Variants in RAB27B observed in about 807,000 individuals in gnomAD.
RAB27B encodes the protein RAB27B, member RAS oncogene family.
A neutral mutation model predicts 24.6 loss-of-function variants in RAB27B; 15 were observed. That is an observed-to-expected ratio of 0.61 (90% confidence interval 0.41 to 0.94). RAB27B has a LOEUF of 0.94. RAB27B is among the 40% of genes least tolerant of loss of function. The pLI is 0.00. For synonymous variants in RAB27B, 105 were observed against 92.5 expected, an observed-to-expected ratio of 1.14 and a Z score of -0.78; for missense variants, 261 against 266.8, an observed-to-expected ratio of 0.98 and a Z score of 0.15.
Position 54,884,314 on chromosome 18 carries a change from C to G in RAB27B, c.240-19C>G. The G allele has an allele frequency of 6.8e-7, 1 of 1,481,076 alleles. No homozygotes were observed. The highest frequency in any genetic ancestry group is 9.4e-7 in the Non-Finnish European group (1 of 1,060,274). The allele number at this position is 1,481,076 out of a possible 1,614,324, so 91.7% of individuals were successfully genotyped here. ...ATGTGGACTAACTTTCAGAACTACC[C>G]ACTGTGTTTCCTTGGCAGGTTCCGG... On this transcript the variant is annotated intron_variant, in intron 3 of 5. Coordinates refer to ENST00000262094, the MANE Select transcript of RAB27B (RefSeq NM_004163.4).
At chr18:54,863,016 C>T (rs563047528) in intron 1 of RAB27B, among the ~76,000 whole-genome samples, 1 of 152,054 alleles carries the variant, frequency 6.6e-6, no homozygotes, top group Non-Finnish European at 1.5e-5. Context: ...GTGATTTTTG[C>T]AAAAAGGCAA....
chr18:54,780,129 C>A (rs573273526), intron 2 of RAB27B, among the ~76,000 whole-genome samples: 1 of 140,216 alleles, frequency 7.1e-6, no homozygotes, highest in Non-Finnish European at 1.5e-5. Context: ...CCTCTCCTGA[C>A]GGCTTCCCCC....
intron 2 of RAB27B, among the ~76,000 whole-genome samples, chr18:54,727,746 A>G (rs1380681711): frequency 6.6e-6 from 1 of 152,194 alleles, no homozygotes; most frequent in African/African-American, 2.4e-5. Flanking sequence ...AATCCACAGC[A>G]TTTAGCAACA....
chr18:54,867,411 G>A (rs1027307001), intron 1 of RAB27B, among the ~76,000 whole-genome samples: 1 of 145,596 alleles, frequency 6.9e-6, no homozygotes, highest in Non-Finnish European at 1.5e-5. Flanking sequence ...GCATATCTTT[G>A]TAAGCCTGAT....
At chr18:54,718,046 A>G (rs920400270) in intron 1 of RAB27B, 2 of 152,112 alleles carry the variant, frequency 1.3e-5, no homozygotes, top group Non-Finnish European at 2.9e-5. Context: ...TTACTATATT[A>G]TTTTATGTTA....
At position 54,828,694 on chromosome 18, in the gene RAB27B, C is replaced by A. The variant is rs116680877; in HGVS notation, c.-26C>A. The A allele has an allele frequency of 0.037, 5,610 of 152,408 alleles. 118 individuals are homozygous for A. The highest frequency in any genetic ancestry group is 0.13 in the Middle Eastern group (38 of 294). The allele number at this position is 152,408 out of a possible 1,614,324, so 9.4% of individuals were successfully genotyped here. On this transcript the variant is annotated 5_prime_UTR_variant, in exon 1 of 6. Coordinates refer to ENST00000262094, the MANE Select transcript of RAB27B (RefSeq NM_004163.4). ...CTGCTCTCCCGGCAAGGAAACTTCGCAGGCTGGTGAGTTGGGAAGGCGGGC... is the reference window on the plus strand; with the variant it reads ...CTGCTCTCCCGGCAAGGAAACTTCGAAGGCTGGTGAGTTGGGAAGGCGGGC...
At chr18:54,876,446 C>T (rs1912706012) in intron 1 of RAB27B, among the ~76,000 whole-genome samples, 1 of 152,180 alleles carries the variant, frequency 6.6e-6, no homozygotes, top group Non-Finnish European at 1.5e-5. Flanking sequence ...CTCCCTGTCA[C>T]ATAATACTGA....
intron 2 of RAB27B, among the ~76,000 whole-genome samples, chr18:54,795,220 C>A (rs572993345): frequency 6.6e-6 from 1 of 152,302 alleles, no homozygotes; most frequent in African/African-American, 2.4e-5. Context: ...CACACCCGCC[C>A]TAGACTAGGA....
chr18:54,753,677 C>T (rs564150160), intron 2 of RAB27B, among the ~76,000 whole-genome samples: 152 of 151,968 alleles, frequency 1.0e-3, no homozygotes, highest in Middle Eastern at 3.4e-3. Context: ...AAAAACATGT[C>T]TATAAGCTTT....
intron 1 of RAB27B, among the ~76,000 whole-genome samples, chr18:54,853,485 T>A (rs1254117716): frequency 2.0e-5 from 3 of 152,206 alleles, no homozygotes; most frequent in Admixed American, 1.3e-4. Flanking sequence ...TCCAGTAGTT[T>A]TGACTTGGGT....
chr18:54,847,330 A>G (rs1217387148), intron 1 of RAB27B, among the ~76,000 whole-genome samples: 3 of 152,234 alleles, frequency 2.0e-5, no homozygotes, highest in Non-Finnish European at 2.9e-5. Context: ...GTTCTCTGGT[A>G]AACTGGAAGG....
chr18:54,850,473 G>C (rs950041835), intron 1 of RAB27B, among the ~76,000 whole-genome samples: 2 of 150,766 alleles, frequency 1.3e-5, no homozygotes, highest in African/African-American at 2.4e-5. Flanking sequence ...CCAGGTTCAA[G>C]TGATTCTCTC....
chr18:54,837,319 A>AG (rs1910934592), intron 1 of RAB27B, among the ~76,000 whole-genome samples: 1 of 152,240 alleles, frequency 6.6e-6, no homozygotes, highest in African/African-American at 2.4e-5. Flanking sequence ...ATAATTAGCG[A>AG]GGGTGGGCAT....
At chr18:54,823,357 G>A (rs1910370169) in intron 2 of RAB27B, among the ~76,000 whole-genome samples, 1 of 152,194 alleles carries the variant, frequency 6.6e-6, no homozygotes, top group Non-Finnish European at 1.5e-5. Flanking sequence ...TAACTTTCTG[G>A]TGAAGCCTTC....
At chr18:54,874,258 C>T (rs963091381) in intron 1 of RAB27B, among the ~76,000 whole-genome samples, 1 of 152,302 alleles carries the variant, frequency 6.6e-6, no homozygotes, top group Middle Eastern at 3.4e-3. Flanking sequence ...GCAAATTTTC[C>T]TTCCTCTGCA....
At chr18:54,751,577 T>A (rs1048337288) in intron 2 of RAB27B, among the ~76,000 whole-genome samples, 7 of 152,126 alleles carry the variant, frequency 4.6e-5, no homozygotes, top group Non-Finnish European at 7.4e-5. Context: ...TTGGACACAA[T>A]GAATTTAGGA....
At chr18:54,825,097 A>G (rs1020552308), upstream of RAB27B, among the ~76,000 whole-genome samples, 1 of 152,224 alleles carries the variant, frequency 6.6e-6, no homozygotes, top group Non-Finnish European at 1.5e-5. Flanking sequence ...TTGATATACA[A>G]TTCTAAGTTC....
intron 2 of RAB27B, chr18:54,745,714 C>T (rs867220773): frequency 6.7e-6 from 1 of 150,004 alleles, no homozygotes; most frequent in African/African-American, 2.4e-5. Flanking sequence ...AGCATTCACA[C>T]TGTCAATCAG....
intron 1 of RAB27B, among the ~76,000 whole-genome samples, chr18:54,871,426 T>C (rs1468543527): frequency 6.6e-6 from 1 of 152,166 alleles, no homozygotes; most frequent in African/African-American, 2.4e-5. Context: ...GATCTGAAAA[T>C]GTACCTACTA....
Sources: allele counts gnomAD v4.1 joint callset (sites outside exome capture counted in the v4.1 genomes callset), GRCh38; gene constraint gnomAD v4.1.1; transcripts MANE v1.5; gene names NCBI Gene and HGNC (gene_info 2026-07-23, HGNC 2026-07-21).